ATP2B2: variants seen among roughly 807,000 people sequenced by gnomAD.
ATP2B2 encodes ATPase plasma membrane Ca2+ transporting 2.
ATP2B2 carries 15 observed loss-of-function variants against 120.0 expected under a neutral mutation model. The observed-to-expected ratio is 0.12, with a 90% CI of 0.08 to 0.19. The LOEUF (loss-of-function observed/expected upper bound fraction) is 0.19, where lower values mean the gene tolerates loss of function less well. Among genes scored for constraint, ATP2B2 ranks in the 10% least tolerant of loss-of-function variants. The probability of loss-of-function intolerance (pLI) is 1.00; values close to 1 mark genes in which losing one functional copy is unlikely to be tolerated. For missense variants in ATP2B2, 1,045 were observed against 1,719.8 expected (o/e 0.61, Z 6.94); for synonymous variants, 694 against 700.3 (o/e 0.99, Z 0.14).
In ATP2B2 at chr3:10,681,079, C is replaced by T. The variant is rs2071370979; in HGVS notation, c.-460+26836G>A. Among the ~76,000 whole-genome samples the T allele has an allele frequency of 2.0e-5, 3 of 152,206 alleles. No homozygotes were observed. The South Asian group carries it at 6.2e-4, about 31-fold the overall frequency. On this transcript the variant is annotated intron_variant, in intron 1 of 21. Transcript: ENST00000646379. ...GATATGCCTGCTCCCCTTTCACTTT[C>T]CGCCATGATCGTCAGCTTCCTGAAG...
chr3:10,372,336 C>T (rs1001975944), intron 11 of ATP2B2, among the ~76,000 whole-genome samples: 8 of 152,122 alleles, frequency 5.3e-5, no homozygotes, highest in African/African-American at 7.2e-5. Context: ...ACATTCTTTA[C>T]GGGAAGAAGG....
chr3:10,547,795 A>T (rs567101417), intron 2 of ATP2B2, among the ~76,000 whole-genome samples: 1 of 152,326 alleles, frequency 6.6e-6, no homozygotes, highest in Admixed American at 6.5e-5. Context: ...AGGCAAAATC[A>T]TCTTATGCCA....
At chr3:10,543,296 G>A (rs1275498777) in intron 2 of ATP2B2, among the ~76,000 whole-genome samples, 1 of 152,218 alleles carries the variant, frequency 6.6e-6, no homozygotes, top group East Asian at 1.9e-4. Flanking sequence ...ATGGCAGTCT[G>A]AGCTTGAATA....
At position 10,326,458 on chromosome 3, in the gene ATP2B2, A is replaced by C; in HGVS notation, c.*2356T>G. ...ATGGTGTGCAAACACAGCTATCCTG[A>C]TGTCATGGAACGAGGTCACGGACAC... is the stretch of plus-strand genomic sequence containing the variant. On this transcript the variant is annotated 3_prime_UTR_variant, in exon 23 of 23. Transcript: ENST00000360273. 1 of 361,422 alleles carries C rather than the reference A, an allele frequency of 2.8e-6. No homozygotes were observed. Among genetic ancestry groups the C allele is most frequent in the Non-Finnish European group, 4.9e-6 (1 of 202,642 alleles). The allele number at this position is 361,422 out of a possible 1,614,324, so 22.4% of individuals were successfully genotyped here.
intron 1 of ATP2B2, among the ~76,000 whole-genome samples, chr3:10,475,050 G>A (rs1280384343): frequency 6.6e-6 from 1 of 152,240 alleles, no homozygotes; most frequent in Non-Finnish European, 1.5e-5. Context: ...TTTCAGCCTG[G>A]GCTTCTGCAC....
At chr3:10,697,105 C>A (rs1199828447) in intron 1 of ATP2B2, among the ~76,000 whole-genome samples, 1 of 152,172 alleles carries the variant, frequency 6.6e-6, no homozygotes, top group Admixed American at 6.5e-5. Flanking sequence ...TGCCAAAGAC[C>A]ATGGCTCCTC....
intron 5 of ATP2B2, among the ~76,000 whole-genome samples, chr3:10,399,066 C>T (rs1431830954): frequency 6.6e-6 from 1 of 152,198 alleles, no homozygotes; most frequent in Non-Finnish European, 1.5e-5. Context: ...TCTCCAGCTT[C>T]CTGCCAGCAT....
intron 1 of ATP2B2, among the ~76,000 whole-genome samples, chr3:10,694,098 C>T (rs1211614489): frequency 2.6e-5 from 4 of 152,218 alleles, no homozygotes; most frequent in Non-Finnish European, 4.4e-5. Context: ...AAGTATAATA[C>T]CAAAACCAAG....
intron 2 of ATP2B2, among the ~76,000 whole-genome samples, chr3:10,436,406 A>C (rs1289525301): frequency 6.6e-6 from 1 of 152,194 alleles, no homozygotes; most frequent in African/African-American, 2.4e-5. Flanking sequence ...TAATGATGTC[A>C]CGTGGGTAAC....
intron 2 of ATP2B2, among the ~76,000 whole-genome samples, chr3:10,560,520 T>C (rs1452770425): frequency 6.6e-6 from 1 of 152,178 alleles, no homozygotes; most frequent in South Asian, 2.1e-4. Context: ...TGCTTCTCCC[T>C]CAGTCTTCCC....
chr3:10,374,025 G>C lies in ATP2B2; in HGVS notation c.1416+1405C>G, dbSNP rs1268647670. On this transcript the variant is annotated intron_variant, in intron 11 of 22. Coordinates refer to ENST00000360273, the MANE Select transcript of ATP2B2 (RefSeq NM_001001331.4). ...CACAGTCTGCCTCTCCTGTGTTGGG[G>C]TGCTCTCCTAAGTTTATCAAGTGAC... Among the ~76,000 whole-genome samples, 3 of 152,166 alleles carry C rather than the reference G, an allele frequency of 2.0e-5. No homozygotes were observed. The East Asian group carries it at 5.8e-4, about 29-fold the overall frequency.
chr3:10,680,260 G>A (rs937952785), intron 1 of ATP2B2, among the ~76,000 whole-genome samples: 9 of 152,286 alleles, frequency 5.9e-5, no homozygotes, highest in East Asian at 3.9e-4. Flanking sequence ...TTTGTAAAGT[G>A]GGAGGCTGCA....
intron 1 of ATP2B2, among the ~76,000 whole-genome samples, chr3:10,471,736 GCAT>G (rs1165510322): frequency 6.6e-6 from 1 of 151,942 alleles, no homozygotes; most frequent in African/African-American, 2.4e-5. Context: ...ATACATCAAA[GCAT>G]CATATTGTCC....
intron 2 of ATP2B2, among the ~76,000 whole-genome samples, chr3:10,551,998 G>C (rs540926443): frequency 5.4e-4 from 82 of 152,254 alleles, no homozygotes; most frequent in Admixed American, 6.5e-4. Flanking sequence ...CTATCATGGG[G>C]CTGGGTTTGG....
chr3:10,450,831 C>T (rs2125188005), intron 1 of ATP2B2, among the ~76,000 whole-genome samples: 1 of 152,292 alleles, frequency 6.6e-6, no homozygotes, highest in East Asian at 1.9e-4. Flanking sequence ...ATCCAATCCA[C>T]CCCGACACCC....
intron 2 of ATP2B2, among the ~76,000 whole-genome samples, chr3:10,422,824 G>A (rs760363839): frequency 3.9e-5 from 6 of 152,250 alleles, no homozygotes; most frequent in Non-Finnish European, 5.9e-5. Context: ...TTCAACACAC[G>A]TGTGGACACA....
At chr3:10,622,181 G>A (rs890241335) in intron 1 of ATP2B2, among the ~76,000 whole-genome samples, 8 of 152,178 alleles carry the variant, frequency 5.3e-5, no homozygotes, top group African/African-American at 7.2e-5. Flanking sequence ...AACTCCTGTA[G>A]ACTGTAGTGT....
chr3:10,676,383 T>C (rs1162635287), intron 1 of ATP2B2, among the ~76,000 whole-genome samples: 1 of 152,130 alleles, frequency 6.6e-6, no homozygotes, highest in East Asian at 1.9e-4. Context: ...TCAGACCTTC[T>C]ATGAGCAAGA....
At chr3:10,636,417 G>C (rs952495700) in intron 1 of ATP2B2, among the ~76,000 whole-genome samples, 8 of 152,300 alleles carry the variant, frequency 5.3e-5, no homozygotes, top group Non-Finnish European at 1.2e-4. Flanking sequence ...GGCCAAGGGG[G>C]CTGGATGTCT....
Sources: allele counts gnomAD v4.1 joint callset (sites outside exome capture counted in the v4.1 genomes callset), GRCh38; gene constraint gnomAD v4.1.1; transcripts MANE v1.5; gene names NCBI Gene and HGNC (gene_info 2026-07-23, HGNC 2026-07-21).